PIK3C3: variants seen among roughly 807,000 people sequenced by gnomAD.
The protein encoded by PIK3C3 is phosphatidylinositol 3-kinase catalytic subunit type 3.
A neutral mutation model predicts 126.1 loss-of-function variants in PIK3C3; 95 were observed. The observed-to-expected ratio is 0.75, with a 90% CI of 0.64 to 0.89. The LOEUF (loss-of-function observed/expected upper bound fraction) is 0.89. Among genes scored for constraint, PIK3C3 ranks in the 40% least tolerant of loss-of-function variants. The probability of loss-of-function intolerance (pLI) is 0.00; values close to 1 mark genes in which losing one functional copy is unlikely to be tolerated. For synonymous variants in PIK3C3, 374 were observed against 360.0 expected (o/e 1.04, Z -0.44); for missense variants, 829 against 1,063.2 (o/e 0.78, Z 3.06).
intron 16 of PIK3C3, among the ~76,000 whole-genome samples, chr18:42,034,746 T>C (rs899498652): frequency 4.6e-5 from 7 of 152,144 alleles, no homozygotes; most frequent in African/African-American, 1.7e-4. Flanking sequence ...ACATGGTGCT[T>C]TATGTTTTGT....
At chr18:41,971,656 G>A (rs1242837173) in intron 4 of PIK3C3, among the ~76,000 whole-genome samples, 1 of 151,936 alleles carries the variant, frequency 6.6e-6, no homozygotes, top group African/African-American at 2.4e-5. Flanking sequence ...GCTACTCTCT[G>A]TCCCTTTTAC....
intron 9 of PIK3C3, among the ~76,000 whole-genome samples, chr18:42,002,654 T>C: frequency 6.6e-6 from 1 of 152,128 alleles, no homozygotes; most frequent in East Asian, 1.9e-4. Context: ...CTTAAGTAAA[T>C]ATTGGGTCTC....
chr18:42,061,942 C>T (rs925850735), intron 22 of PIK3C3, among the ~76,000 whole-genome samples: 1 of 151,718 alleles, frequency 6.6e-6, no homozygotes, highest in African/African-American at 2.4e-5. Context: ...CCTGGCTGCC[C>T]GTTAGAATCA....
At chr18:42,075,390 A>G (rs1434123237) in intron 24 of PIK3C3, among the ~76,000 whole-genome samples, 2 of 152,064 alleles carry the variant, frequency 1.3e-5, no homozygotes. Context: ...CCAATATATC[A>G]CACACAGCTT....
chr18:41,993,123 T>A (rs1981859526), intron 6 of PIK3C3, 147 bp from the exon 7 acceptor site: 4 of 505,068 alleles, frequency 7.9e-6, no homozygotes, highest in Middle Eastern at 1.1e-3. Context: ...ATGCATTTTA[T>A]AATATTGTTA....
intron 10 of PIK3C3, among the ~76,000 whole-genome samples, chr18:42,012,973 C>T (rs1982898242): frequency 1.3e-5 from 2 of 152,070 alleles, no homozygotes; most frequent in Non-Finnish European, 2.9e-5. Flanking sequence ...AGTCATTAAA[C>T]AGAAGTGCTT....
At chr18:41,983,878 T>C (rs1981331164) in intron 4 of PIK3C3, among the ~76,000 whole-genome samples, 1 of 152,094 alleles carries the variant, frequency 6.6e-6, no homozygotes, top group African/African-American at 2.4e-5. Context: ...TTGGTTCTTG[T>C]GGATTCTTTT....
Position 42,027,467 on chromosome 18 carries a change from T to A in PIK3C3, c.1509T>A (p.Asp503Glu), listed in dbSNP as rs1983622774. ...GGTATGTGATAGTGGAATGTGAAGA[T>A]CAAGATACTCAGCAGAGAGATCCAA... Reference protein sequence around the residue: ...LYWYVIVECEDQDTQQRDPKT... With the variant: ...LYWYVIVECEEQDTQQRDPKT... Residue 503 changes from aspartate (D) to glutamate (E), a missense_variant, in exon 14 of 25, where the codon GAT (aspartate) becomes GAA (glutamate). Asp to Glu is a conservative substitution (Grantham distance 45). Around this residue, in one of 4 missense-constraint regions of PIK3C3, gnomAD observed 256 missense variants for 291.0 expected, o/e 0.88. Transcript: ENST00000262039. The A allele has an allele frequency of 6.2e-7, 1 of 1,605,894 alleles. No homozygotes were observed. Among genetic ancestry groups the A allele is most frequent in the African/African-American group, 1.3e-5 (1 of 74,668 alleles).
chr18:41,963,409 T>G lies in PIK3C3; in HGVS notation c.401+777T>G, dbSNP rs1980196022. Among the ~76,000 whole-genome samples, 3 of 152,200 alleles carry G rather than the reference T, an allele frequency of 2.0e-5. No homozygotes were observed. The South Asian group carries it at 6.2e-4, about 31-fold the overall frequency. On this transcript the variant is annotated intron_variant, in intron 3 of 24. Coordinates refer to ENST00000262039, the MANE Select transcript of PIK3C3 (RefSeq NM_002647.4). Reference sequence around the variant, plus strand: ...TATGTGTTTTAGTCCATTGCTGTCTTTACTCTTTATAATGCTCAAAAAATC... The same window carrying G: ...TATGTGTTTTAGTCCATTGCTGTCTGTACTCTTTATAATGCTCAAAAAATC...
intron 24 of PIK3C3, 42 bp downstream of exon 24, chr18:42,067,555 T>G: frequency 6.2e-7 from 1 of 1,609,418 alleles, no homozygotes; most frequent in Non-Finnish European, 8.5e-7. Context: ...ACCTTCTCCG[T>G]GTACTGCCCC....
At chr18:42,052,749 A>C (rs1279602659) in intron 21 of PIK3C3, 3 of 152,204 alleles carry the variant, frequency 2.0e-5, no homozygotes, top group African/African-American at 7.2e-5. Flanking sequence ...GGTTCAGTGC[A>C]GGAAATATAT....
At chr18:42,038,337 G>C (rs1984150623) in intron 17 of PIK3C3, among the ~76,000 whole-genome samples, 1 of 151,882 alleles carries the variant, frequency 6.6e-6, no homozygotes, top group South Asian at 2.1e-4. Flanking sequence ...GATGATCAAA[G>C]TTAAATTAAC....
intron 9 of PIK3C3, among the ~76,000 whole-genome samples, chr18:42,001,974 G>A: frequency 6.6e-6 from 1 of 152,182 alleles, no homozygotes; most frequent in East Asian, 1.9e-4. Context: ...CAGAAAGGGA[G>A]CATTATACTA....
In PIK3C3 at chr18:41,995,940, T is replaced by C. The variant is rs1417679959; in HGVS notation, c.837T>C (p.Ser279=). ...ACAAGCTTGCCCGGAGTTTAAGAAG[T>C]GGACCTTCTGACCACGATCTGAAAC... The part of the protein sequence containing the change: ...KHHKLARSLR[S]GPSDHDLKPN... The change falls in exon 8 of 25, where the codon AGT becomes AGC. Residue 279 remains serine, a synonymous_variant. Transcript: ENST00000262039. The C allele has an allele frequency of 6.2e-7, 1 of 1,613,120 alleles. No homozygotes were observed. The highest frequency in any genetic ancestry group is 8.5e-7 in the Non-Finnish European group (1 of 1,179,380).
intron 4 of PIK3C3, among the ~76,000 whole-genome samples, chr18:41,982,207 G>A (rs1038226315): frequency 3.3e-5 from 5 of 152,162 alleles, no homozygotes; most frequent in African/African-American, 1.2e-4. Context: ...ACCTGAGGGA[G>A]TTTAGAGGAA....
rs551011408 is a variant in PIK3C3, at chr18:42,003,392, C to T, written c.985-964C>T. ...AGCCAGGAAAGTGTTGCCTTTGAGA[C>T]CCAGCAATAAGTATTGCTTTTTATG... On this transcript the variant is annotated intron_variant, in intron 9 of 24. Coordinates refer to ENST00000262039, the MANE Select transcript of PIK3C3 (RefSeq NM_002647.4). 2.6e-5 allele frequency among the ~76,000 whole-genome samples: 4 copies of T among 152,200 alleles called. No homozygotes were observed. In the South Asian group the frequency reaches 8.3e-4, roughly 32 times the overall value.
chr18:42,019,626 G>T (rs953788698), intron 12 of PIK3C3, among the ~76,000 whole-genome samples: 1 of 151,918 alleles, frequency 6.6e-6, no homozygotes, highest in African/African-American at 2.4e-5. Context: ...ATATCTTAAT[G>T]TTCCTCAGGG....
chr18:42,033,604 A>G (rs998229117), intron 15 of PIK3C3, among the ~76,000 whole-genome samples: 4 of 152,332 alleles, frequency 2.6e-5, no homozygotes, highest in South Asian at 2.1e-4. Context: ...GAAAAGTCCA[A>G]CTTTCACAGT....
At chr18:41,964,285 G>T (rs1980245200) in intron 3 of PIK3C3, among the ~76,000 whole-genome samples, 1 of 152,108 alleles carries the variant, frequency 6.6e-6, no homozygotes, top group Non-Finnish European at 1.5e-5. Flanking sequence ...ATGTGTTGAA[G>T]TCTAAGAGAG....
Sources: gnomAD v4.1 joint callset for allele counts (sites outside exome capture counted in the v4.1 genomes callset) on GRCh38, gnomAD v4.1.1 for gene constraint, gnomAD v4.1.1 regional missense constraint, MANE v1.5 for transcripts, NCBI Gene and HGNC (gene_info 2026-07-23, HGNC 2026-07-21) for gene names.